Variants in AGAP1 observed in about 807,000 individuals in gnomAD.
AGAP1 encodes the protein ArfGAP with GTPase domain, ankyrin repeat and PH domain 1, also known as arf-GAP with GTPase, ANK repeat and PH domain-containing protein 1.
A neutral mutation model predicts 105.3 loss-of-function variants in AGAP1; 29 were observed. That is an observed-to-expected ratio of 0.28 (90% CI 0.21 to 0.38). The LOEUF is 0.38. AGAP1 is among the 10% of genes least tolerant of loss of function. The pLI is 1.00. For missense variants in AGAP1, 998 were observed against 1,165.1 expected, an observed-to-expected ratio of 0.86 and a Z score of 2.09; for synonymous variants, 509 against 485.9, an observed-to-expected ratio of 1.05 and a Z score of -0.63.
At chr2:235,667,627 C>T (rs980771456) in intron 1 of AGAP1, among the ~76,000 whole-genome samples, 1 of 152,062 alleles carries the variant, frequency 6.6e-6, no homozygotes, top group Non-Finnish European at 1.5e-5. Context: ...TCCCGCCTGG[C>T]TGCTACTCTA....
Position 235,989,254 on chromosome 2 carries a change from G to A in AGAP1, c.1645+20631G>A, listed in dbSNP as rs148958653. Among the ~76,000 whole-genome samples, 215 of 152,278 alleles carry A rather than the reference G, an allele frequency of 1.4e-3. 1 individual carries two copies. The highest frequency in any genetic ancestry group is 5.0e-3 in the African/African-American group (206 of 41,556). On this transcript the variant is annotated intron_variant, in intron 13 of 17. Coordinates refer to ENST00000304032, the MANE Select transcript of AGAP1 (RefSeq NM_001037131.3). This position sits in a 1 kb window ranked among gnomAD's most constrained non-coding sequence, Gnocchi z 4.4. Reference sequence around the variant, plus strand: ...CTGCTGACAGGTATTTATTGACCAGGTACTGTGTAGAGGTCGCTGCTGCGT... The same window carrying A: ...CTGCTGACAGGTATTTATTGACCAGATACTGTGTAGAGGTCGCTGCTGCGT...
intron 11 of AGAP1, among the ~76,000 whole-genome samples, chr2:235,913,862 G>A (rs979813066): frequency 7.2e-5 from 11 of 152,178 alleles, no homozygotes; most frequent in African/African-American, 2.4e-4. Flanking sequence ...TTTAAGCTAT[G>A]AATTGTGGAG....
intron 8 of AGAP1, among the ~76,000 whole-genome samples, chr2:235,804,295 G>A (rs1176257656): frequency 1.3e-5 from 2 of 152,188 alleles, no homozygotes; most frequent in East Asian, 3.9e-4. Context: ...TTATTTATGT[G>A]ATATTTTTAA....
Position 236,092,301 on chromosome 2 carries a change from T to C in AGAP1, c.2115-27891T>C, listed in dbSNP as rs1183768434. Reference sequence around the variant, plus strand: ...GGGTTGTATCCATATCCTATGGTGATAACATACTACAGTTTTTCAAGATAC... The same window carrying C: ...GGGTTGTATCCATATCCTATGGTGACAACATACTACAGTTTTTCAAGATAC... On this transcript the variant is annotated intron_variant, in intron 16 of 17. Coordinates refer to ENST00000304032, the MANE Select transcript of AGAP1 (RefSeq NM_001037131.3). This position sits in a 1 kb window ranked among gnomAD's most constrained non-coding sequence, Gnocchi z 4.7. Among the ~76,000 whole-genome samples the C allele has an allele frequency of 1.3e-5, 2 of 152,230 alleles. No homozygotes were observed. Among genetic ancestry groups the C allele is most frequent in the Non-Finnish European group, 2.9e-5 (2 of 68,038 alleles).
chr2:235,659,837 A>G lies in AGAP1; in HGVS notation c.164-49342A>G, dbSNP rs1575060743. Reference sequence around the variant, plus strand: ...CCTCGGATGCGAAATCTGGGGAACCAGCCAGCCACCTCTGGTCCTGGGAGG... The same window carrying G: ...CCTCGGATGCGAAATCTGGGGAACCGGCCAGCCACCTCTGGTCCTGGGAGG... On this transcript the variant is annotated intron_variant, in intron 1 of 17. Transcript: ENST00000304032. This position sits in a 1 kb window ranked among gnomAD's most constrained non-coding sequence, Gnocchi z 5.0. Among the ~76,000 whole-genome samples the G allele has an allele frequency of 6.6e-6, 1 of 152,220 alleles. No homozygotes were observed. The highest frequency in any genetic ancestry group is 6.5e-5 in the Admixed American group (1 of 15,280).
Position 235,589,189 on chromosome 2 carries a change from G to GTTTTTT in AGAP1, c.163+94344_163+94345insTTTTTT, listed in dbSNP as rs1205771315. ...GAGAACTACCAGTTAATAGCTTATT[G>GTTTTTT]TTTTGTTTTTTTTTTTTTTTTTTTT... On this transcript the variant is annotated intron_variant, in intron 1 of 17. Coordinates refer to ENST00000304032, the MANE Select transcript of AGAP1 (RefSeq NM_001037131.3). 3.0e-3 allele frequency among the ~76,000 whole-genome samples: 167 copies of GTTTTTT among 54,894 alleles called. 37 individuals are homozygous for GTTTTTT. Among genetic ancestry groups the GTTTTTT allele is most frequent in the Middle Eastern group, 0.016 (1 of 64 alleles). 36.0% of individuals were successfully genotyped at this position (54,894 alleles called of 152,430 possible).
At position 235,494,313 on chromosome 2, in the gene AGAP1, T is replaced by C. The variant is rs2148987008; in HGVS notation, c.-374T>C. On this transcript the variant is annotated 5_prime_UTR_variant, in exon 1 of 18. The change abolishes an upstream ATG in the 5' untranslated region. Transcript: ENST00000304032. ...AGCGCGGCGGCTGCCTGGGCTTTAA[T>C]GGCTGCTCCGCGGAGCAGCGCCTAG... is the stretch of plus-strand genomic sequence containing the variant. 1 of 140,612 alleles carries C rather than the reference T, an allele frequency of 7.1e-6. No individual in the cohort carries two copies. The highest frequency in any genetic ancestry group is 2.3e-4 in the South Asian group (1 of 4,296). The allele number at this position is 140,612 out of a possible 1,614,324, so 8.7% of individuals were successfully genotyped here.
In AGAP1 at chr2:235,888,855, A is replaced by G. The variant is rs552749267; in HGVS notation, c.1155+5406A>G. On this transcript the variant is annotated intron_variant, in intron 10 of 17. Coordinates refer to ENST00000304032, the MANE Select transcript of AGAP1 (RefSeq NM_001037131.3). The surrounding 1 kb of genome is among the most constrained non-coding windows in gnomAD (Gnocchi z 4.8). ...ATCCTCATACCTTTGTTTGGGAAAG[A>G]CACCCCAGCAGTGGGGAGCTCTGGC... is the stretch of plus-strand genomic sequence containing the variant. 6.6e-6 allele frequency among the ~76,000 whole-genome samples: 1 copy of G among 152,256 alleles called. No homozygotes were observed. Among genetic ancestry groups the G allele is most frequent in the Admixed American group, 6.5e-5 (1 of 15,292 alleles).
chr2:235,707,064 G>A (rs1950571229), intron 1 of AGAP1, among the ~76,000 whole-genome samples: 1 of 152,232 alleles, frequency 6.6e-6, no homozygotes, highest in Admixed American at 6.5e-5. Flanking sequence ...TTGGGGTGGT[G>A]TTTGGGTGCA....
chr2:236,011,171 A>G (rs2056500025), intron 13 of AGAP1, among the ~76,000 whole-genome samples: 1 of 152,242 alleles, frequency 6.6e-6, no homozygotes, highest in Admixed American at 6.5e-5. Flanking sequence ...ACCCGCATGT[A>G]GCACCCTTGT....
chr2:235,530,760 C>T (rs185392664), intron 1 of AGAP1, among the ~76,000 whole-genome samples: 94 of 152,282 alleles, frequency 6.2e-4, no homozygotes, highest in African/African-American at 2.2e-3. Flanking sequence ...TCTTAAAATC[C>T]TTGACTTAAT....
Position 236,088,918 on chromosome 2 carries a change from A to G in AGAP1, c.2115-31274A>G, listed in dbSNP as rs532947314. Among the ~76,000 whole-genome samples the G allele has an allele frequency of 2.5e-4, 38 of 152,226 alleles. 1 individual carries two copies. Among genetic ancestry groups the G allele is most frequent in the Non-Finnish European group, 5.1e-4 (35 of 68,044 alleles). The stretch of plus-strand genomic sequence containing the variant: ...GAATAGTTGCTTAACAGGGCATTCG[A>G]TCATGATGGTGATCGTCATAAAGAC... On this transcript the variant is annotated intron_variant, in intron 16 of 17. Coordinates refer to ENST00000304032, the MANE Select transcript of AGAP1 (RefSeq NM_001037131.3).
Position 235,621,078 on chromosome 2 carries a change from A to G in AGAP1, c.164-88101A>G, listed in dbSNP as rs181252803. On this transcript the variant is annotated intron_variant, in intron 1 of 17. Coordinates refer to ENST00000304032, the MANE Select transcript of AGAP1 (RefSeq NM_001037131.3). The surrounding 1 kb of genome is among the most constrained non-coding windows in gnomAD (Gnocchi z 4.1). The stretch of plus-strand genomic sequence containing the variant: ...CTCTTGTCTCCCAGGCTGGAGTACA[A>G]TGGCACAATCTTGGCTCACTGCAAA... Among the ~76,000 whole-genome samples the G allele has an allele frequency of 1.1e-3, 162 of 152,214 alleles. No homozygotes were observed. The highest frequency in any genetic ancestry group is 2.0e-3 in the Non-Finnish European group (138 of 68,026).
At chr2:235,838,282 A>T (rs866150600) in intron 9 of AGAP1, among the ~76,000 whole-genome samples, 1 of 152,088 alleles carries the variant, frequency 6.6e-6, no homozygotes, top group Non-Finnish European at 1.5e-5. Context: ...GCCATCTCAC[A>T]AATGTAAGTA....
Position 236,123,871 on chromosome 2 carries a change from T to C in AGAP1, c.2371-48T>C, listed in dbSNP as rs1193111424. ...AGAGAAAGCTTCCCTGCCCCCTCCC[T>C]CCATCACATCCCCCATGATACTAAT... On this transcript the variant is annotated intron_variant, in intron 17 of 17. Transcript: ENST00000304032. This position sits in a 1 kb window ranked among gnomAD's most constrained non-coding sequence, Gnocchi z 4.6. 1.9e-6 allele frequency: 3 copies of C among 1,606,660 alleles called. No homozygotes were observed. Among genetic ancestry groups the C allele is most frequent in the Admixed American group, 3.3e-5 (2 of 59,842 alleles).
At chr2:236,110,195 G>T (rs1306117694) in intron 16 of AGAP1, among the ~76,000 whole-genome samples, 1 of 152,130 alleles carries the variant, frequency 6.6e-6, no homozygotes, top group African/African-American at 2.4e-5. Flanking sequence ...CCAGGTAATT[G>T]TGTAAAAGGT....
chr2:235,520,907 T>C (rs964939105), intron 1 of AGAP1, among the ~76,000 whole-genome samples: 1 of 152,210 alleles, frequency 6.6e-6, no homozygotes, highest in Admixed American at 6.5e-5. Context: ...CTTCTGCGTG[T>C]GGAAGCATTT....
rs1947320997 is a variant in AGAP1 at position 235,644,865 on chromosome 2, A to G, written c.164-64314A>G. 2.6e-5 allele frequency among the ~76,000 whole-genome samples: 4 copies of G among 152,022 alleles called. No individual in the cohort carries two copies. The South Asian group carries it at 8.3e-4, about 32-fold the overall frequency. On this transcript the variant is annotated intron_variant, in intron 1 of 17. Transcript: ENST00000304032. The stretch of plus-strand genomic sequence containing the variant: ...TGACTTGCGTAGATTGCATTTAAGT[A>G]TAGTGGAGCAACAGCAATCAAGGTG...
chr2:235,807,555 G>C (rs890720915), intron 9 of AGAP1, among the ~76,000 whole-genome samples: 1 of 152,252 alleles, frequency 6.6e-6, no homozygotes, highest in Non-Finnish European at 1.5e-5. Flanking sequence ...AGTGCGGGCT[G>C]CCCGCCTGCA....
Sources: gnomAD v4.1 joint callset for allele counts (sites outside exome capture counted in the v4.1 genomes callset) on GRCh38, gnomAD v4.1.1 for gene constraint, Gnocchi (gnomAD v3.1) non-coding constraint, MANE v1.5 for transcripts, NCBI Gene and HGNC (gene_info 2026-07-23, HGNC 2026-07-21) for gene names.